Variants in CMC2 observed in about 807,000 individuals in gnomAD.
The protein encoded by CMC2 is COX assembly mitochondrial protein 2 homolog.
In CMC2, 5 loss-of-function variants were observed where a neutral mutation model predicts 7.5. The observed-to-expected ratio is 0.66, with a 90% CI of 0.35 to 1.40. The LOEUF is 1.40. Among genes scored for constraint, CMC2 ranks in the 40% most tolerant of loss-of-function variants. CMC2 has a pLI of 0.04. For missense variants in CMC2, 115 were observed against 92.3 expected (o/e 1.25, Z -1.01); for synonymous variants, 37 against 31.4 (o/e 1.18, Z -0.60).
At chr16:80,983,626 A>G (rs1967298886) in intron 2 of CMC2, 1 of 152,250 alleles carries the variant, frequency 6.6e-6, no homozygotes, top group Non-Finnish European at 1.5e-5. Flanking sequence ...TATCTAATAA[A>G]TGCTTAGTGC....
rs934714819 is a variant in CMC2 at position 80,970,832 on chromosome 16, T to C, written c.*5261A>G. 1.3e-5 allele frequency: 2 copies of C among 152,150 alleles called. No homozygotes were observed. Among genetic ancestry groups the C allele is most frequent in the African/African-American group, 4.8e-5 (2 of 41,444 alleles). The allele number at this position is 152,150 out of a possible 1,614,324, so 9.4% of individuals were successfully genotyped here. Reference sequence around the variant, plus strand: ...GCTCATGCCTATAATCCCTGCTTTATAAAAAAATTTTAAGAGATATTAGAA... The same window carrying C: ...GCTCATGCCTATAATCCCTGCTTTACAAAAAAATTTTAAGAGATATTAGAA... On this transcript the variant is annotated 3_prime_UTR_variant, in exon 4 of 4. Coordinates refer to ENST00000219400, the MANE Select transcript of CMC2 (RefSeq NM_020188.5).
At position 80,971,584 on chromosome 16, in the gene CMC2, A is replaced by ATGTG. The variant is rs1555512301; in HGVS notation, c.*4508_*4509insCACA. On this transcript the variant is annotated 3_prime_UTR_variant, in exon 4 of 4. Coordinates refer to ENST00000219400, the MANE Select transcript of CMC2 (RefSeq NM_020188.5). ...ACATTTTATATATATATATATATAT[A>ATGTG]TGTATGAAATCATGCATATATATAT... 7 of 139,578 alleles carry ATGTG rather than the reference A, an allele frequency of 5.0e-5. No homozygotes were observed. The highest frequency in any genetic ancestry group is 3.5e-4 in the Admixed American group (5 of 14,248). 8.6% of individuals were successfully genotyped at this position (139,578 alleles called of 1,614,324 possible). A position where few individuals can be genotyped will look rare whatever the true frequency, so the allele number is the denominator to read the frequency against.
In CMC2 at chr16:80,975,484, T is replaced by G. The variant is rs1222475401; in HGVS notation, c.*609A>C. 1 of 150,754 alleles carries G rather than the reference T, an allele frequency of 6.6e-6. No individual in the cohort carries two copies. The highest frequency in any genetic ancestry group is 2.5e-5 in the African/African-American group (1 of 39,978). The allele number at this position is 150,754 out of a possible 1,614,324, so 9.3% of individuals were successfully genotyped here. Reference sequence around the variant, plus strand: ...CAAAAACCAGCCAGGCATGGTAGCCTGCGCCTGTAGCCCCAGCTACTAGAG... The same window carrying G: ...CAAAAACCAGCCAGGCATGGTAGCCGGCGCCTGTAGCCCCAGCTACTAGAG... On this transcript the variant is annotated 3_prime_UTR_variant, in exon 4 of 4. Transcript: ENST00000219400.
intron 3 of CMC2, chr16:80,978,302 C>A: frequency 8.1e-7 from 1 of 1,231,590 alleles, no homozygotes; most frequent in Non-Finnish European, 1.0e-6. Flanking sequence ...TTAAGGGAAA[C>A]TCTTCAGAAG....
intron 2 of CMC2, among the ~76,000 whole-genome samples, chr16:80,987,974 G>C (rs1967668107): frequency 1.3e-5 from 2 of 151,660 alleles, no homozygotes; most frequent in African/African-American, 4.8e-5. Flanking sequence ...CCAGGAGTTT[G>C]AGATGAGCCT....
rs874053 is a variant in CMC2, at chr16:80,972,210, A to G, written c.*3883T>C. 0.35 allele frequency: 52,500 copies of G among 152,058 alleles called. 10,731 individuals carry two copies. Among genetic ancestry groups the G allele is most frequent in the African/African-American group, 0.57 (23,697 of 41,452 alleles). 9.4% of individuals were successfully genotyped at this position (152,058 alleles called of 1,614,324 possible). On this transcript the variant is annotated 3_prime_UTR_variant, in exon 4 of 4. Transcript: ENST00000219400. ...TTATCTCCTTCAGTGACCTCTCTAG[A>G]GGAGGCAGGGATGTCTATGGATTAA...
chr16:80,980,638 C>G (rs1967039659), intron 3 of CMC2: 1 of 457,736 alleles, frequency 2.2e-6, no homozygotes, highest in South Asian at 3.8e-5. Context: ...GTCTGTAGTC[C>G]CAGCACTTTG....
At chr16:81,000,339 T>A (rs1174929289) in intron 1 of CMC2, among the ~76,000 whole-genome samples, 1 of 151,960 alleles carries the variant, frequency 6.6e-6, no homozygotes, top group East Asian at 1.9e-4. Flanking sequence ...CTACTAAAGA[T>A]GCAAAAATTA....
In CMC2 at chr16:80,971,054, G is replaced by C. The variant is rs563379764; in HGVS notation, c.*5039C>G. On this transcript the variant is annotated 3_prime_UTR_variant, in exon 4 of 4. Transcript: ENST00000219400. ...GGAGGCTAAGGCACGAGAATTGCTT[G>C]AAGCCAGGAGGTGGAAGTTGCAGCG... 3.9e-5 allele frequency: 6 copies of C among 152,296 alleles called. No homozygotes were observed. The highest frequency in any genetic ancestry group is 1.4e-4 in the African/African-American group (6 of 41,552). The allele number at this position is 152,296 out of a possible 1,614,324, so 9.4% of individuals were successfully genotyped here.
rs1275875612 is a variant in CMC2, at chr16:80,968,226, A to G, written c.*7867T>C. ...GTCAGGGTGGGGTCTAAAACTCTCC[A>G]TTTCTTTTTTTTATTTTTATTTTTG... On this transcript the variant is annotated 3_prime_UTR_variant, in exon 4 of 4. Transcript: ENST00000219400. 1.4e-5 allele frequency: 2 copies of G among 145,660 alleles called. No individual in the cohort carries two copies. Among genetic ancestry groups the G allele is most frequent in the East Asian group, 2.0e-4 (1 of 5,072 alleles). 9.0% of individuals were successfully genotyped at this position (145,660 alleles called of 1,614,324 possible).
intron 3 of CMC2, among the ~76,000 whole-genome samples, chr16:80,979,182 G>C (rs1597213917): frequency 6.6e-6 from 1 of 152,164 alleles, no homozygotes; most frequent in Non-Finnish European, 1.5e-5. Context: ...TAAGAGTAGA[G>C]AAGAAATACA....
intron 3 of CMC2, among the ~76,000 whole-genome samples, chr16:80,979,780 C>G (rs1429892963): frequency 6.7e-6 from 1 of 148,612 alleles, no homozygotes; most frequent in East Asian, 2.1e-4. Context: ...GCCACCATGC[C>G]TGGCTAATTT....
chr16:80,980,876 GA>G (rs1567508689), intron 3 of CMC2: 2 of 697,586 alleles, frequency 2.9e-6, no homozygotes, highest in Middle Eastern at 2.7e-4. Flanking sequence ...GACAGAGCAA[GA>G]ACCTGTCTCA....
chr16:81,000,555 A>G (rs2151651239), intron 1 of CMC2, among the ~76,000 whole-genome samples: 1 of 152,364 alleles, frequency 6.6e-6, no homozygotes, highest in South Asian at 2.1e-4. Context: ...ATCAACAGCC[A>G]CTTCTCAAAA....
At chr16:80,977,585 C>T (rs1175586624) in intron 3 of CMC2, among the ~76,000 whole-genome samples, 2 of 152,078 alleles carry the variant, frequency 1.3e-5, no homozygotes, top group Non-Finnish European at 1.5e-5. Flanking sequence ...GGACAAACCC[C>T]GCCACCCAAG....
chr16:80,982,318 CAAAATGGTGAAACCTCATCTCTACT>C (rs1967183327), intron 2 of CMC2: 1 of 152,862 alleles, frequency 6.5e-6, no homozygotes, highest in Non-Finnish European at 1.5e-5. Flanking sequence ...TCGGCCTGGC[CAAAATGGTGAAACCTCATCTCTACT>C]AAAAGTACAC....
chr16:80,980,184 A>T (rs113738665), intron 3 of CMC2, among the ~76,000 whole-genome samples: 6,663 of 152,324 alleles, frequency 0.044, 209 homozygotes, highest in Non-Finnish European at 0.063. Context: ...CCTCCCGAAT[A>T]GCTGGGATTA....
intron 2 of CMC2, among the ~76,000 whole-genome samples, chr16:80,994,642 A>C (rs771173161): frequency 7.9e-5 from 12 of 152,224 alleles, no homozygotes; most frequent in Admixed American, 1.3e-4. Context: ...AACCAAAAGG[A>C]GATACTACTA....
At position 80,976,103 on chromosome 16, in the gene CMC2, G is replaced by T; in HGVS notation, c.230C>A (p.Ser77Tyr). The T allele has an allele frequency of 6.3e-7, 1 of 1,595,732 alleles. No individual in the cohort carries two copies. Residue 77 changes from serine to tyrosine, a missense_variant, in exon 4 of 4, where the codon TCC becomes TAC. Ser to Tyr is a moderately radical substitution (Grantham distance 144, BLOSUM62 -2). Transcript: ENST00000219400. ...RKKLFNPPEE[S>Y]EK ...GAGTGAAAATACAATTTATTTTTCGGATTCCTCTGGAGGATTAAAAAGTTT... is the reference window on the plus strand; with the variant it reads ...GAGTGAAAATACAATTTATTTTTCGTATTCCTCTGGAGGATTAAAAAGTTT...
Sources: gnomAD v4.1 joint callset for allele counts (sites outside exome capture counted in the v4.1 genomes callset) on GRCh38, gnomAD v4.1.1 for gene constraint, MANE v1.5 for transcripts, NCBI Gene and HGNC (gene_info 2026-07-23, HGNC 2026-07-21) for gene names.